The following SNTG1 variants were observed in gnomAD, a reference collection of about 807,000 sequenced individuals.
SNTG1 encodes gamma-1-syntrophin.
In SNTG1, 39 loss-of-function variants were observed where a neutral mutation model predicts 74.7. That is an observed-to-expected ratio of 0.52 (90% CI 0.40 to 0.68). The LOEUF is 0.68. Among genes scored for constraint, SNTG1 ranks in the 30% least tolerant of loss-of-function variants. The pLI, the probability that SNTG1 is intolerant of heterozygous loss-of-function variation, is 0.00. For synonymous variants in SNTG1, 254 were observed against 217.1 expected (o/e 1.17, Z -1.49); for missense variants, 685 against 609.5 (o/e 1.12, Z -1.30).
chr8:50,139,644 C>G (rs1469222807), intron 1 of SNTG1, among the ~76,000 whole-genome samples: 1 of 152,188 alleles, frequency 6.6e-6, no homozygotes, highest in Non-Finnish European at 1.5e-5. Flanking sequence ...ATAGTATGCC[C>G]TACTCTGGGA....
chr8:50,477,430 T>A (rs2093705614), intron 8 of SNTG1, among the ~76,000 whole-genome samples: 1 of 151,532 alleles, frequency 6.6e-6, no homozygotes, highest in Admixed American at 6.6e-5. Context: ...CAGAAAAAAA[T>A]ACAATTCAGG....
chr8:50,390,278 A>T (rs931223138), intron 2 of SNTG1, among the ~76,000 whole-genome samples: 2 of 152,186 alleles, frequency 1.3e-5, no homozygotes, highest in South Asian at 2.1e-4. Flanking sequence ...TAAGGAAGGG[A>T]TCCATTTTCA....
Position 49,992,466 on chromosome 8 carries a change from C to T in SNTG1, c.-103+80235C>T, listed in dbSNP as rs568336836. On this transcript the variant is annotated intron_variant, in intron 1 of 18. Transcript: ENST00000642720. ...TATTTCAAATGTACAGAAATTTGCA[C>T]ACTTGATTTGAAGCAAGTTAACTTT... is the stretch of plus-strand genomic sequence containing the variant. 4.6e-5 allele frequency among the ~76,000 whole-genome samples: 7 copies of T among 152,226 alleles called. No homozygotes were observed. In the South Asian group the frequency reaches 1.2e-3, roughly 27 times the overall value.
At chr8:50,601,819 T>G (rs1365557125) in intron 13 of SNTG1, among the ~76,000 whole-genome samples, 3 of 152,192 alleles carry the variant, frequency 2.0e-5, no homozygotes, top group Non-Finnish European at 4.4e-5. Flanking sequence ...TGGGTGCATA[T>G]GTAATTGCTA....
At chr8:50,075,971 A>G (rs1821837772) in intron 1 of SNTG1, among the ~76,000 whole-genome samples, 2 of 152,200 alleles carry the variant, frequency 1.3e-5, no homozygotes, top group Admixed American at 6.5e-5. Context: ...CTGCAGCTTC[A>G]TTCTTGAAGT....
At chr8:50,661,510 T>C (rs1251512311) in intron 15 of SNTG1, among the ~76,000 whole-genome samples, 1 of 152,190 alleles carries the variant, frequency 6.6e-6, no homozygotes, top group Non-Finnish European at 1.5e-5. Context: ...ACTTTCTATA[T>C]ACAATTTTCT....
chr8:50,446,050 A>T (rs1587656425), intron 5 of SNTG1, among the ~76,000 whole-genome samples: 1 of 152,166 alleles, frequency 6.6e-6, no homozygotes, highest in South Asian at 2.1e-4. Context: ...GTTCAGGGCG[A>T]TGGAGGTCCA....
Position 50,502,758 on chromosome 8 carries a change from C to CTTTT in SNTG1, c.364-18_364-15dup, listed in dbSNP as rs1563486001. The CTTTT allele has an allele frequency of 7.0e-6, 11 of 1,581,130 alleles. No homozygotes were observed. The highest frequency in any genetic ancestry group is 9.5e-6 in the Non-Finnish European group (11 of 1,152,408). ...TGATAAATGTAATGATGATTGTATT[C>CTTTT]TTTTTATTCTTTTTTTCAGGTTCAG... is the stretch of plus-strand genomic sequence containing the variant. On this transcript the variant is annotated intron_variant, in intron 8 of 18. Coordinates refer to ENST00000642720, the MANE Select transcript of SNTG1 (RefSeq NM_018967.5).
At chr8:50,733,247 G>C (rs1044327534) in intron 17 of SNTG1, among the ~76,000 whole-genome samples, 7 of 151,958 alleles carry the variant, frequency 4.6e-5, no homozygotes, top group African/African-American at 1.7e-4. Context: ...CCATGCTGTT[G>C]CAAAGGGAAA....
chr8:50,232,945 G>C (rs35451012), intron 2 of SNTG1, among the ~76,000 whole-genome samples: 85,469 of 151,290 alleles, frequency 0.56, 27,844 homozygotes, highest in East Asian at 0.84. Context: ...AAGTCATACT[G>C]TGTTCATGGA....
rs914719816 is a variant in SNTG1, at chr8:50,258,495, T to C, written c.-28+85860T>C. Among the ~76,000 whole-genome samples, 4 of 152,104 alleles carry C rather than the reference T, an allele frequency of 2.6e-5. No homozygotes were observed. In the South Asian group the frequency reaches 8.3e-4, roughly 31 times the overall value. Reference sequence around the variant, plus strand: ...TAGATGTAGACTTCAAAGCAATTATTGTAAAAATATTCAAACATTTAAAAA... The same window carrying C: ...TAGATGTAGACTTCAAAGCAATTATCGTAAAAATATTCAAACATTTAAAAA... On this transcript the variant is annotated intron_variant, in intron 2 of 18. Coordinates refer to ENST00000642720, the MANE Select transcript of SNTG1 (RefSeq NM_018967.5).
chr8:50,403,347 T>A (rs2092830210), intron 4 of SNTG1, among the ~76,000 whole-genome samples: 1 of 152,202 alleles, frequency 6.6e-6, no homozygotes. Flanking sequence ...CAACTAAAGA[T>A]AATGGACATT....
At chr8:50,719,587 T>C (rs2095482901) in intron 17 of SNTG1, among the ~76,000 whole-genome samples, 1 of 152,164 alleles carries the variant, frequency 6.6e-6, no homozygotes, top group South Asian at 2.1e-4. Flanking sequence ...ACAAAGTTTT[T>C]TGCTATTTTC....
At chr8:50,608,381 G>A (rs757932651) in intron 13 of SNTG1, among the ~76,000 whole-genome samples, 2 of 151,482 alleles carry the variant, frequency 1.3e-5, no homozygotes, top group Non-Finnish European at 3.0e-5. Flanking sequence ...TGTTTCTGTT[G>A]TTAGGTACTT....
At chr8:50,293,634 T>C (rs974171957) in intron 2 of SNTG1, among the ~76,000 whole-genome samples, 16 of 152,112 alleles carry the variant, frequency 1.1e-4, no homozygotes, top group African/African-American at 3.6e-4. Flanking sequence ...GGTCTTGAAC[T>C]CCTGACCTGA....
At chr8:50,343,987 T>C (rs1306275581) in intron 2 of SNTG1, among the ~76,000 whole-genome samples, 1 of 152,164 alleles carries the variant, frequency 6.6e-6, no homozygotes, top group African/African-American at 2.4e-5. Context: ...AACTCCATCC[T>C]CAGCTGGCTT....
At chr8:50,055,428 T>C (rs1437898088) in intron 1 of SNTG1, among the ~76,000 whole-genome samples, 3 of 152,274 alleles carry the variant, frequency 2.0e-5, no homozygotes, top group Admixed American at 6.5e-5. Context: ...AGGTTTTCAA[T>C]GAACTTTAAA....
chr8:50,490,747 G>C (rs539518035), intron 8 of SNTG1: 1 of 152,310 alleles, frequency 6.6e-6, no homozygotes, highest in Non-Finnish European at 1.5e-5. Context: ...TGCCTGCAGC[G>C]GGACTTCCTC....
chr8:50,534,040 A>G (rs948562549), intron 10 of SNTG1, among the ~76,000 whole-genome samples: 7 of 152,356 alleles, frequency 4.6e-5, no homozygotes, highest in African/African-American at 1.7e-4. Context: ...AAGATGAGAA[A>G]GCATCTTTAA....
Sources: gnomAD v4.1 joint callset for allele counts (sites outside exome capture counted in the v4.1 genomes callset) on GRCh38, gnomAD v4.1.1 for gene constraint, MANE v1.5 for transcripts, NCBI Gene and HGNC (gene_info 2026-07-23, HGNC 2026-07-21) for gene names.